LRRC4C: variants seen among roughly 807,000 people sequenced by gnomAD.
LRRC4C encodes the protein leucine rich repeat containing 4C.
In LRRC4C, 5 loss-of-function variants were observed where a neutral mutation model predicts 33.6. The observed-to-expected ratio is 0.15, with a 90% CI of 0.08 to 0.31. The LOEUF (loss-of-function observed/expected upper bound fraction) is 0.31. LRRC4C is among the 10% of genes least tolerant of loss of function. The pLI is 1.00. For missense variants in LRRC4C, 560 were observed against 796.7 expected, an observed-to-expected ratio of 0.70 and a Z score of 3.58; for synonymous variants, 329 against 302.0, an observed-to-expected ratio of 1.09 and a Z score of -0.93.
chr11:40,232,605 G>T (rs532042762), intron 5 of LRRC4C, among the ~76,000 whole-genome samples: 1 of 152,246 alleles, frequency 6.6e-6, no homozygotes, highest in South Asian at 2.1e-4. Context: ...CTGTACATTT[G>T]TTCTTCTCAT....
intron 1 of LRRC4C, among the ~76,000 whole-genome samples, chr11:40,949,247 C>G (rs1194765535): frequency 1.3e-5 from 2 of 152,024 alleles, no homozygotes; most frequent in Admixed American, 6.6e-5. Context: ...TGTTGGAGTT[C>G]ATTGTAGATT....
intron 1 of LRRC4C, among the ~76,000 whole-genome samples, chr11:41,331,685 C>T (rs911524713): frequency 6.6e-6 from 1 of 152,152 alleles, no homozygotes; most frequent in Non-Finnish European, 1.5e-5. Context: ...ACTTCCATGG[C>T]TACAACATAC....
Position 40,489,195 on chromosome 11 carries a change from A to G in LRRC4C, c.-270+158947T>C, listed in dbSNP as rs565398676. 2.6e-5 allele frequency among the ~76,000 whole-genome samples: 4 copies of G among 152,260 alleles called. No individual in the cohort carries two copies. The East Asian group carries it at 5.8e-4, about 22-fold the overall frequency. ...TTGTAATTTTCCACCCATATCACGT[A>G]CAGACTTTTAAGAAACATCGTGCCT... On this transcript the variant is annotated intron_variant, in intron 3 of 6. Transcript: ENST00000528697.
intron 2 of LRRC4C, among the ~76,000 whole-genome samples, chr11:40,710,637 G>A (rs1028365477): frequency 1.3e-5 from 2 of 152,192 alleles, no homozygotes; most frequent in Non-Finnish European, 2.9e-5. Context: ...CCCCTACTGA[G>A]AGGTGTCTCC....
rs924216499 is a variant in LRRC4C at position 41,078,297 on chromosome 11, C to T, written c.-495-144574G>A. ...AACTGTTCCAACTTCTGCCCATTAC[C>T]CAGTTCCAAAGTTGCTTTCACATTT... is the stretch of plus-strand genomic sequence containing the variant. On this transcript the variant is annotated intron_variant, in intron 1 of 6. Transcript: ENST00000528697. 1.3e-4 allele frequency among the ~76,000 whole-genome samples: 20 copies of T among 152,162 alleles called. 1 individual carries two copies. Among genetic ancestry groups the T allele is most frequent in the African/African-American group, 3.1e-4 (13 of 41,450 alleles).
chr11:40,507,886 G>A (rs1955116238), intron 3 of LRRC4C, among the ~76,000 whole-genome samples: 1 of 151,860 alleles, frequency 6.6e-6, no homozygotes, highest in Non-Finnish European at 1.5e-5. Flanking sequence ...ATTACAAGCA[G>A]GCACCACCAC....
At chr11:40,834,180 C>T (rs1952548910) in intron 2 of LRRC4C, among the ~76,000 whole-genome samples, 1 of 151,944 alleles carries the variant, frequency 6.6e-6, no homozygotes, top group Non-Finnish European at 1.5e-5. Flanking sequence ...TAAAATGAAT[C>T]TAAAAAGTTT....
chr11:40,685,712 A>T (rs966030416), intron 2 of LRRC4C, among the ~76,000 whole-genome samples: 10 of 151,946 alleles, frequency 6.6e-5, no homozygotes, highest in Non-Finnish European at 1.3e-4. Context: ...ATTAAATCAG[A>T]GAAGAGAGAG....
At chr11:40,472,816 T>C (rs1431992215) in intron 3 of LRRC4C, among the ~76,000 whole-genome samples, 1 of 152,118 alleles carries the variant, frequency 6.6e-6, no homozygotes, top group African/African-American at 2.4e-5. Flanking sequence ...CATCAGAGAA[T>C]ACTATAAACA....
intron 2 of LRRC4C, among the ~76,000 whole-genome samples, chr11:40,909,853 T>G (rs563291981): frequency 6.6e-6 from 1 of 152,172 alleles, no homozygotes; most frequent in Non-Finnish European, 1.5e-5. Context: ...TTTGCCTAAA[T>G]TCACAAAGGC....
intron 3 of LRRC4C, among the ~76,000 whole-genome samples, chr11:40,417,005 A>G (rs1194497092): frequency 2.6e-5 from 4 of 152,240 alleles, no homozygotes; most frequent in African/African-American, 7.2e-5. Flanking sequence ...AGGTTTGTGT[A>G]TACTTTGAGA....
chr11:41,240,159 G>A (rs961055830), intron 1 of LRRC4C, among the ~76,000 whole-genome samples: 1 of 152,140 alleles, frequency 6.6e-6, no homozygotes, highest in East Asian at 1.9e-4. Flanking sequence ...CAAACAAAAA[G>A]GGAAAATGGA....
intron 1 of LRRC4C, among the ~76,000 whole-genome samples, chr11:41,209,744 T>C (rs1211631974): frequency 1.3e-5 from 2 of 152,084 alleles, no homozygotes; most frequent in Non-Finnish European, 2.9e-5. Context: ...GGTGAATGTA[T>C]TTTGCATGCA....
rs764899167 is a variant in LRRC4C at position 40,115,211 on chromosome 11, G to A, written c.1082C>T (p.Ala361Val). The change falls in exon 7 of 7, where the codon GCA becomes GTA. Residue 361 changes from alanine (A) to valine (V), a missense_variant. Ala to Val is a moderately conservative substitution (Grantham distance 64). Around this residue, in one of 3 missense-constraint regions of LRRC4C, gnomAD observed 455 missense variants for 643.8 expected, o/e 0.71. Coordinates refer to ENST00000528697, the MANE Select transcript of LRRC4C (RefSeq NM_001258419.2). The surrounding 1 kb of genome is among the most constrained non-coding windows in gnomAD (Gnocchi z 6.7). Reference protein sequence around the residue: ...CYAPVIVEPPADLNVTEGMAA... With the variant: ...CYAPVIVEPPVDLNVTEGMAA... ...CATGCCTTCAGTGACATTGAGGTCTGCAGGGGGCTCCACAATCACCGGAGC... is the reference window on the plus strand; with the variant it reads ...CATGCCTTCAGTGACATTGAGGTCTACAGGGGGCTCCACAATCACCGGAGC... 2.5e-6 allele frequency: 4 copies of A among 1,614,086 alleles called. No homozygotes were observed. The Admixed American group carries it at 5.0e-5, about 20-fold the overall frequency.
chr11:40,409,308 A>G (rs1269193699), intron 3 of LRRC4C, among the ~76,000 whole-genome samples: 2 of 152,014 alleles, frequency 1.3e-5, no homozygotes, highest in Non-Finnish European at 2.9e-5. Flanking sequence ...AAGAAAACAT[A>G]GGAAAAAAAA....
intron 1 of LRRC4C, among the ~76,000 whole-genome samples, chr11:41,173,152 G>C (rs1287705318): frequency 6.6e-6 from 1 of 152,102 alleles, no homozygotes; most frequent in Non-Finnish European, 1.5e-5. Context: ...ATCCAGTGGG[G>C]CCAATTAGAT....
At chr11:41,153,271 A>G (rs1944079119) in intron 1 of LRRC4C, among the ~76,000 whole-genome samples, 2 of 152,186 alleles carry the variant, frequency 1.3e-5, no homozygotes, top group African/African-American at 4.8e-5. Flanking sequence ...TATTGAGTAC[A>G]TGCATCAATC....
At chr11:40,444,672 T>C (rs1406521919) in intron 3 of LRRC4C, among the ~76,000 whole-genome samples, 1 of 152,212 alleles carries the variant, frequency 6.6e-6, no homozygotes, top group Non-Finnish European at 1.5e-5. Context: ...TGATCTGGCA[T>C]TTCCAATGTG....
At chr11:40,177,095 A>T (rs1262659468) in intron 5 of LRRC4C, among the ~76,000 whole-genome samples, 2 of 151,752 alleles carry the variant, frequency 1.3e-5, no homozygotes, top group Non-Finnish European at 2.9e-5. Context: ...CGGGGACTAC[A>T]GGCGCCCGCC....
Sources: gnomAD v4.1 joint callset for allele counts (sites outside exome capture counted in the v4.1 genomes callset) on GRCh38, gnomAD v4.1.1 for gene constraint, gnomAD v4.1.1 regional missense constraint, Gnocchi (gnomAD v3.1) non-coding constraint, MANE v1.5 for transcripts, NCBI Gene and HGNC (gene_info 2026-07-23, HGNC 2026-07-21) for gene names.